The following DOCK4 variants were observed in gnomAD, a reference collection of about 807,000 sequenced individuals.
DOCK4 encodes dedicator of cytokinesis 4.
A neutral mutation model predicts 268.1 loss-of-function variants in DOCK4; 97 were observed. The ratio of observed to expected loss-of-function variants is 0.36; its 90% CI spans 0.31 to 0.43. The LOEUF (loss-of-function observed/expected upper bound fraction) is 0.43, where lower values mean the gene tolerates loss of function less well. Among genes scored for constraint, DOCK4 ranks in the 20% least tolerant of loss-of-function variants. The probability of loss-of-function intolerance (pLI) is 1.00; values close to 1 mark genes in which losing one functional copy is unlikely to be tolerated. For missense variants in DOCK4, 2,145 were observed against 2,455.7 expected, an observed-to-expected ratio of 0.87 and a Z score of 2.67; for synonymous variants, 954 against 887.2, an observed-to-expected ratio of 1.08 and a Z score of -1.34.
intron 1 of DOCK4, among the ~76,000 whole-genome samples, chr7:112,116,941 T>C (rs1004206193): frequency 2.6e-5 from 4 of 152,214 alleles, no homozygotes; most frequent in Admixed American, 2.6e-4. Context: ...AAATTTGTTC[T>C]AATGCAATTG....
chr7:112,174,939 CTTT>C (rs368676870), intron 1 of DOCK4, among the ~76,000 whole-genome samples: 3 of 131,274 alleles, frequency 2.3e-5, no homozygotes, highest in Non-Finnish European at 3.2e-5. Flanking sequence ...TCCCCTGGAA[CTTT>C]TTTTTTTTTT....
At chr7:112,172,767 C>T (rs1434089279) in intron 1 of DOCK4, among the ~76,000 whole-genome samples, 1 of 151,940 alleles carries the variant, frequency 6.6e-6, no homozygotes, top group Non-Finnish European at 1.5e-5. Flanking sequence ...AATGTAAAGC[C>T]GGGAAGAACA....
At chr7:111,926,140 GA>G (rs1306122803) in intron 12 of DOCK4, among the ~76,000 whole-genome samples, 1 of 142,628 alleles carries the variant, frequency 7.0e-6, no homozygotes, top group African/African-American at 2.7e-5. Context: ...AAGAAAGAAA[GA>G]AAGAAAAAGA....
At position 111,790,569 on chromosome 7, in the gene DOCK4, C is replaced by G; in HGVS notation, c.3203G>C (p.Gly1068Ala). The G allele has an allele frequency of 6.2e-7, 1 of 1,613,630 alleles. No individual in the cohort carries two copies. The highest frequency in any genetic ancestry group is 8.5e-7 in the Non-Finnish European group (1 of 1,179,800). The change falls in exon 31 of 53, where the codon GGC becomes GCC. Residue 1068 changes from glycine (G) to alanine (A), a missense_variant. Gly to Ala is a moderately conservative substitution (Grantham distance 60). Around this residue, in one of 2 missense-constraint regions of DOCK4, gnomAD observed 1,598 missense variants for 1,986.7 expected, o/e 0.80. Transcript: ENST00000428084. ...HKLHFIPALIGPFLEVTLIPQ... is the reference protein window; with the variant it reads ...HKLHFIPALIAPFLEVTLIPQ... ...TATCAAGGTCACTTCTAGGAAGGGG[C>G]CAATCAGGGCAGGGATAAAATGAAG...
intron 1 of DOCK4, among the ~76,000 whole-genome samples, chr7:112,101,640 T>A (rs186013052): frequency 2.0e-5 from 3 of 152,300 alleles, no homozygotes; most frequent in Admixed American, 6.5e-5. Context: ...TTACCTCACT[T>A]TCCAACCATA....
At chr7:111,980,154 C>T (rs1430893347) in intron 7 of DOCK4, among the ~76,000 whole-genome samples, 2 of 152,140 alleles carry the variant, frequency 1.3e-5, no homozygotes, top group African/African-American at 4.8e-5. Flanking sequence ...AATAAGCCTG[C>T]CTGACTCTAC....
intron 1 of DOCK4, among the ~76,000 whole-genome samples, chr7:112,035,033 G>A (rs1330225633): frequency 6.6e-6 from 1 of 152,118 alleles, no homozygotes; most frequent in Non-Finnish European, 1.5e-5. Context: ...GGAAAGTCCT[G>A]GACACACGGA....
At chr7:111,894,489 G>C (rs1323585174) in intron 16 of DOCK4, among the ~76,000 whole-genome samples, 2 of 152,110 alleles carry the variant, frequency 1.3e-5, no homozygotes, top group Admixed American at 1.3e-4. Context: ...AGATACCAGG[G>C]AGCTCAGGGA....
chr7:112,186,559 A>G (rs1398755469), intron 1 of DOCK4, among the ~76,000 whole-genome samples: 2 of 152,250 alleles, frequency 1.3e-5, no homozygotes, highest in Non-Finnish European at 2.9e-5. Context: ...ACCTAGTAAG[A>G]GTTCAGTAAA....
chr7:112,112,579 G>A (rs1248977350), intron 1 of DOCK4, among the ~76,000 whole-genome samples: 2 of 152,022 alleles, frequency 1.3e-5, no homozygotes, highest in Non-Finnish European at 2.9e-5. Context: ...AGGAGGTGAA[G>A]GTTGCAGTGA....
chr7:112,057,249 T>TA (rs1805901981), intron 1 of DOCK4, among the ~76,000 whole-genome samples: 1 of 151,446 alleles, frequency 6.6e-6, no homozygotes, highest in African/African-American at 2.4e-5. Flanking sequence ...CCCCATCTCT[T>TA]AAAAAAAGAA....
intron 1 of DOCK4, among the ~76,000 whole-genome samples, chr7:112,005,449 C>T (rs1800777727): frequency 6.6e-6 from 1 of 152,182 alleles, no homozygotes; most frequent in Non-Finnish European, 1.5e-5. Context: ...AACATTTAGC[C>T]AAGCACTAAT....
rs151272879 is a variant in DOCK4, at chr7:111,940,312, T to C, written c.845-70A>G. 5.3e-5 allele frequency: 85 copies of C among 1,599,324 alleles called. No individual in the cohort carries two copies. In the African/African-American group the frequency reaches 7.6e-4, roughly 14 times the overall value. The stretch of plus-strand genomic sequence containing the variant: ...TAGATGCATCTTAGGTAGCGAAACA[T>C]ACAGCTATAAGATAGGCCATTGAAA... On this transcript the variant is annotated intron_variant, in intron 10 of 52. Coordinates refer to ENST00000428084, the MANE Select transcript of DOCK4 (RefSeq NM_001363540.2).
chr7:111,795,404 T>G (rs1799826107), intron 30 of DOCK4, among the ~76,000 whole-genome samples: 1 of 152,150 alleles, frequency 6.6e-6, no homozygotes, highest in Non-Finnish European at 1.5e-5. Flanking sequence ...CTGAGCGACA[T>G]TCTAAAAGGG....
intron 8 of DOCK4, among the ~76,000 whole-genome samples, chr7:111,949,619 C>A (rs1795893570): frequency 1.3e-5 from 2 of 151,546 alleles, no homozygotes; most frequent in Admixed American, 1.3e-4. Context: ...CTTTTAAAAG[C>A]CAGACTTCTT....
chr7:111,865,788 G>A (rs1265212068), intron 22 of DOCK4, among the ~76,000 whole-genome samples: 1 of 152,218 alleles, frequency 6.6e-6, no homozygotes, highest in Non-Finnish European at 1.5e-5. Flanking sequence ...AGGAGGATCT[G>A]ACATATTGTT....
chr7:111,990,397 A>G (rs1484680876), intron 5 of DOCK4, among the ~76,000 whole-genome samples: 3 of 152,220 alleles, frequency 2.0e-5, no homozygotes, highest in Non-Finnish European at 4.4e-5. Flanking sequence ...ATGAGTAGTG[A>G]TATGAAAGTA....
At chr7:111,839,827 T>C (rs573302461) in intron 25 of DOCK4, among the ~76,000 whole-genome samples, 27 of 152,308 alleles carry the variant, frequency 1.8e-4, no homozygotes, top group Admixed American at 1.7e-3. Flanking sequence ...AATTAATTTT[T>C]TAAATTTTTT....
At position 112,170,677 on chromosome 7, in the gene DOCK4, A is replaced by C. The variant is rs537278168; in HGVS notation, c.37+35425T>G. Among the ~76,000 whole-genome samples the C allele has an allele frequency of 3.3e-5, 5 of 152,328 alleles. No homozygotes were observed. The South Asian group carries it at 8.3e-4, about 25-fold the overall frequency. ...TATTTTATAAAAATTTTCTTTAAAA[A>C]TATTCTTAATTAGGATGCTAAGAAG... On this transcript the variant is annotated intron_variant, in intron 1 of 52. Transcript: ENST00000428084.
Sources: allele counts gnomAD v4.1 joint callset (sites outside exome capture counted in the v4.1 genomes callset), GRCh38; gene constraint gnomAD v4.1.1; regional missense constraint gnomAD v4.1.1; transcripts MANE v1.5; gene names NCBI Gene and HGNC (gene_info 2026-07-23, HGNC 2026-07-21).